CACNA2D3: variants seen among roughly 807,000 people sequenced by gnomAD.
CACNA2D3 encodes calcium voltage-gated channel auxiliary subunit alpha2delta 3.
In CACNA2D3, 60 loss-of-function variants were observed where a neutral mutation model predicts 160.6. The observed-to-expected ratio is 0.37, with a 90% CI of 0.30 to 0.46. The LOEUF (loss-of-function observed/expected upper bound fraction) is 0.46. Among genes scored for constraint, CACNA2D3 ranks in the 20% least tolerant of loss-of-function variants. The pLI is 1.00. For missense variants in CACNA2D3, 1,205 were observed against 1,365.0 expected (o/e 0.88, Z 1.85); for synonymous variants, 558 against 492.9 (o/e 1.13, Z -1.75).
chr3:54,800,826 T>C (rs1183897843), intron 13 of CACNA2D3, among the ~76,000 whole-genome samples: 1 of 152,140 alleles, frequency 6.6e-6, no homozygotes, highest in African/African-American at 2.4e-5. Context: ...CTAACTAATC[T>C]GGTGTGGTGG....
At chr3:54,585,617 A>AGGC (rs150191454) in intron 9 of CACNA2D3, among the ~76,000 whole-genome samples, 8,162 of 152,276 alleles carry the variant, frequency 0.054, 398 homozygotes, top group Admixed American at 0.17. Flanking sequence ...TCATGGCAGA[A>AGGC]GGCAAGGAAA....
intron 2 of CACNA2D3, among the ~76,000 whole-genome samples, chr3:54,191,936 G>A (rs1014102065): frequency 3.3e-5 from 5 of 152,122 alleles, no homozygotes; most frequent in Non-Finnish European, 7.3e-5. Context: ...CCCCTGAACC[G>A]GGAAGTGGGG....
chr3:54,148,585 G>T (rs1700081555), intron 2 of CACNA2D3, among the ~76,000 whole-genome samples: 1 of 152,194 alleles, frequency 6.6e-6, no homozygotes, highest in Non-Finnish European at 1.5e-5. Flanking sequence ...TGGCCAGCAG[G>T]TCAGGAACCA....
chr3:54,163,785 C>G (rs1700394956), intron 2 of CACNA2D3, among the ~76,000 whole-genome samples: 1 of 152,138 alleles, frequency 6.6e-6, no homozygotes, highest in Non-Finnish European at 1.5e-5. Context: ...GCCTTGGTCC[C>G]CAGAGTGACG....
Position 54,564,475 on chromosome 3 carries a change from A to G in CACNA2D3, c.676+1544A>G, listed in dbSNP as rs555861402. On this transcript the variant is annotated intron_variant, in intron 6 of 37. Transcript: ENST00000474759. ...TCCACCAAGGTGTTTCAATGCCTTG[A>G]TAAATGTCATGTGGCCACTCAACTC... Among the ~76,000 whole-genome samples the G allele has an allele frequency of 1.6e-4, 25 of 152,326 alleles. No homozygotes were observed. The South Asian group carries it at 4.6e-3, about 28-fold the overall frequency.
At chr3:54,985,309 C>T (rs947265394) in intron 30 of CACNA2D3, among the ~76,000 whole-genome samples, 2 of 152,034 alleles carry the variant, frequency 1.3e-5, no homozygotes, top group Admixed American at 6.5e-5. Flanking sequence ...CTCCACTCTG[C>T]CTGGAAATCA....
At chr3:54,472,387 G>T (rs756170406) in intron 4 of CACNA2D3, among the ~76,000 whole-genome samples, 2 of 152,188 alleles carry the variant, frequency 1.3e-5, no homozygotes, top group Non-Finnish European at 2.9e-5. Context: ...GGTGTTGATG[G>T]AATGTATCTC....
At chr3:54,459,646 G>GT (rs1376834445) in intron 4 of CACNA2D3, among the ~76,000 whole-genome samples, 6 of 151,652 alleles carry the variant, frequency 4.0e-5, no homozygotes, top group Non-Finnish European at 8.8e-5. Context: ...AAATTTGTTT[G>GT]AGTTCATTGT....
At chr3:54,646,998 G>C (rs1296688889) in intron 11 of CACNA2D3, among the ~76,000 whole-genome samples, 1 of 152,186 alleles carries the variant, frequency 6.6e-6, no homozygotes, top group Non-Finnish European at 1.5e-5. Flanking sequence ...TTGAATGTGA[G>C]AGTGGCTTCC....
At chr3:54,455,056 G>C (rs574621484) in intron 4 of CACNA2D3, among the ~76,000 whole-genome samples, 11 of 152,210 alleles carry the variant, frequency 7.2e-5, no homozygotes, top group South Asian at 6.2e-4. Flanking sequence ...GATAAACATG[G>C]GGGCGCAGAT....
intron 11 of CACNA2D3, among the ~76,000 whole-genome samples, chr3:54,691,437 C>T (rs564985888): frequency 5.9e-5 from 9 of 152,214 alleles, no homozygotes; most frequent in African/African-American, 2.2e-4. Context: ...GACTCACTTG[C>T]TTAGTTTCCA....
At chr3:54,289,231 A>G (rs1371327469) in intron 2 of CACNA2D3, among the ~76,000 whole-genome samples, 1 of 151,976 alleles carries the variant, frequency 6.6e-6, no homozygotes, top group Non-Finnish European at 1.5e-5. Flanking sequence ...AAATCAATGC[A>G]CAAAAATCAC....
At chr3:54,601,450 C>T (rs146129456) in intron 9 of CACNA2D3, among the ~76,000 whole-genome samples, 2 of 152,256 alleles carry the variant, frequency 1.3e-5, no homozygotes, top group African/African-American at 4.8e-5. Flanking sequence ...TCAAGTGATC[C>T]TCCTGCCTCA....
At chr3:54,345,104 T>C (rs949383425) in intron 3 of CACNA2D3, among the ~76,000 whole-genome samples, 1 of 152,188 alleles carries the variant, frequency 6.6e-6, no homozygotes, top group Non-Finnish European at 1.5e-5. Context: ...GAAATAACCA[T>C]AAAAATGCAC....
intron 2 of CACNA2D3, among the ~76,000 whole-genome samples, chr3:54,249,727 G>A (rs1356516803): frequency 2.0e-5 from 3 of 148,616 alleles, no homozygotes; most frequent in South Asian, 2.1e-4. Context: ...TGGTTCAACC[G>A]TAATACACAA....
intron 11 of CACNA2D3, among the ~76,000 whole-genome samples, chr3:54,711,914 C>T (rs1465602338): frequency 1.3e-5 from 2 of 152,172 alleles, no homozygotes; most frequent in Non-Finnish European, 2.9e-5. Context: ...TCCCTCCCTT[C>T]CCTTTAAATG....
chr3:54,480,272 C>A (rs1292787101), intron 4 of CACNA2D3, among the ~76,000 whole-genome samples: 1 of 152,130 alleles, frequency 6.6e-6, no homozygotes, highest in Admixed American at 6.5e-5. Flanking sequence ...ATCACTGACC[C>A]TCAGGATGTA....
chr3:54,700,802 T>A (rs1430767843), intron 11 of CACNA2D3, among the ~76,000 whole-genome samples: 1 of 152,212 alleles, frequency 6.6e-6, no homozygotes, highest in Admixed American at 6.5e-5. Flanking sequence ...ATGGCAGCCC[T>A]GTGAGACAGG....
chr3:54,221,771 G>A (rs116375221), intron 2 of CACNA2D3, among the ~76,000 whole-genome samples: 127 of 152,166 alleles, frequency 8.3e-4, no homozygotes, highest in African/African-American at 2.5e-3. Flanking sequence ...GAGTGTAAAT[G>A]CTATGCAAAT....
Sources: gnomAD v4.1 joint callset for allele counts (sites outside exome capture counted in the v4.1 genomes callset) on GRCh38, gnomAD v4.1.1 for gene constraint, MANE v1.5 for transcripts, NCBI Gene and HGNC (gene_info 2026-07-23, HGNC 2026-07-21) for gene names.